TSGA13: variants seen among roughly 807,000 people sequenced by gnomAD.
TSGA13 encodes the protein testis specific 13.
A neutral mutation model predicts 35.1 loss-of-function variants in TSGA13; 37 were observed. The observed-to-expected ratio is 1.05, with a 90% CI of 0.81 to 1.39. TSGA13 has a LOEUF of 1.39. Among genes scored for constraint, TSGA13 ranks in the 40% most tolerant of loss-of-function variants. TSGA13 has a pLI of 0.00. For synonymous variants in TSGA13, 124 were observed against 121.2 expected, an observed-to-expected ratio of 1.02 and a Z score of -0.15; for missense variants, 338 against 328.5, an observed-to-expected ratio of 1.03 and a Z score of -0.22.
intron 4 of TSGA13, among the ~76,000 whole-genome samples, chr7:130,679,754 G>A (rs1361937445): frequency 6.6e-6 from 1 of 152,078 alleles, no homozygotes; most frequent in Non-Finnish European, 1.5e-5. Flanking sequence ...AAACTCCTGG[G>A]CTCAAGCGAT....
chr7:130,679,016 G>T, intron 5 of TSGA13, 139 bp downstream of exon 5: 2 of 699,706 alleles, frequency 2.9e-6, no homozygotes, highest in Admixed American at 2.7e-5. Flanking sequence ...AACAGAGTGA[G>T]ACCCTATCTC....
chr7:130,680,851 G>A (rs1796529002), intron 4 of TSGA13, 95 bp downstream of exon 4: 2 of 1,119,616 alleles, frequency 1.8e-6, no homozygotes, highest in Non-Finnish European at 2.7e-6. Context: ...AGAAGCTGGG[G>A]ACACTTGGAG....
rs1796531696 is a variant in TSGA13, at chr7:130,680,958, G to A, written c.162C>T (p.Val54=). The change falls in exon 4 of 8, where the codon GTC becomes GTT. Residue 54 remains valine (V), a synonymous_variant. Transcript: ENST00000356588. ...TTTCTCTACCTACCAAATTTGGATG[G>A]ACTGTGTAATGCCGAAGGTTCTCTA... is the stretch of plus-strand genomic sequence containing the variant. ...FVLENLRHYT[V]HPNLAQYYKP... is the part of the protein sequence containing the mutation. The A allele has an allele frequency of 6.2e-7, 1 of 1,614,122 alleles. No homozygotes were observed. Among genetic ancestry groups the A allele is most frequent in the Non-Finnish European group, 8.5e-7 (1 of 1,180,006 alleles).
chr7:130,669,075 C>T lies in TSGA13; in HGVS notation c.767G>A (p.Ser256Asn). 3 of 1,614,220 alleles carry T rather than the reference C, an allele frequency of 1.9e-6. No individual in the cohort carries two copies. The highest frequency in any genetic ancestry group is 2.5e-6 in the Non-Finnish European group (3 of 1,180,034). The change falls in exon 8 of 8, where the codon AGC (serine) becomes AAC (asparagine). Residue 256 changes from serine (S) to asparagine (N), a missense_variant. Transcript: ENST00000356588. Reference protein sequence around the residue: ...DMPTRTAPGESAFRNGRAPQW... With the variant: ...DMPTRTAPGENAFRNGRAPQW... ...CGGGGCCCTCCCGTTGCGGAAGGCGCTCTCCCCGGGCGCGGTTCTGGTGGG... is the reference window on the plus strand; with the variant it reads ...CGGGGCCCTCCCGTTGCGGAAGGCGTTCTCCCCGGGCGCGGTTCTGGTGGG...
rs549398265 is a variant in TSGA13, at chr7:130,681,342, G to C, written c.103-325C>G. Reference sequence around the variant, plus strand: ...TTCAGATTGCGACAAATCTTTCCAAGGAGTCACTTCTTTCTTATGCCTTTT... The same window carrying C: ...TTCAGATTGCGACAAATCTTTCCAACGAGTCACTTCTTTCTTATGCCTTTT... On this transcript the variant is annotated intron_variant, in intron 3 of 7. Coordinates refer to ENST00000356588, the MANE Select transcript of TSGA13 (RefSeq NM_052933.4). Among the ~76,000 whole-genome samples the C allele has an allele frequency of 3.9e-5, 6 of 152,258 alleles. No individual in the cohort carries two copies. The South Asian group carries it at 1.2e-3, about 32-fold the overall frequency.
chr7:130,674,837 T>G (rs1334084090), intron 5 of TSGA13, among the ~76,000 whole-genome samples: 2 of 152,204 alleles, frequency 1.3e-5, no homozygotes, highest in East Asian at 1.9e-4. Context: ...CTCTTTAAGC[T>G]CTTGTATTAG....
At chr7:130,670,850 C>T (rs1185439577) in intron 7 of TSGA13, among the ~76,000 whole-genome samples, 1 of 152,098 alleles carries the variant, frequency 6.6e-6, no homozygotes, top group African/African-American at 2.4e-5. Flanking sequence ...TAGTGTCAAG[C>T]CCCTGGCCTC....
intron 1 of TSGA13, 29 bp downstream of exon 1, chr7:130,686,233 G>A (rs1214024140): frequency 1.3e-5 from 2 of 152,158 alleles, no homozygotes; most frequent in African/African-American, 2.4e-5. Flanking sequence ...TAGGGAAATA[G>A]AGTAATAAGC....
Position 130,671,669 on chromosome 7 carries a change from C to T in TSGA13, c.650G>A (p.Arg217Lys). 1 of 1,577,872 alleles carries T rather than the reference C, an allele frequency of 6.3e-7. No individual in the cohort carries two copies. Among genetic ancestry groups the T allele is most frequent in the Non-Finnish European group, 8.6e-7 (1 of 1,157,810 alleles). Residue 217 changes from arginine (R) to lysine (K), a missense_variant, in exon 7 of 8, where the codon AGG (arginine) becomes AAG (lysine). Arg to Lys is a conservative substitution (Grantham distance 26, BLOSUM62 2). Coordinates refer to ENST00000356588, the MANE Select transcript of TSGA13 (RefSeq NM_052933.4). ...TFAPVHERDMRKDASKKSASE... is the reference protein window; with the variant it reads ...TFAPVHERDMKKDASKKSASE... ...GAAAGAGAGGAGCTTACCATCTTTC[C>T]TCATATCTCTCTCATGGACTGGAGC...
Position 130,668,687 on chromosome 7 carries a change from G to T in TSGA13, c.*327C>A. ...TAATCATCTTGGACGACTTCCCAGC[G>T]CCCAGACCCACCGCAACCGTCCCAG... On this transcript the variant is annotated 3_prime_UTR_variant, in exon 8 of 8. Transcript: ENST00000356588. 6.5e-7 allele frequency: 1 copy of T among 1,528,208 alleles called. No homozygotes were observed. The highest frequency in any genetic ancestry group is 8.8e-7 in the Non-Finnish European group (1 of 1,138,900). 94.7% of individuals were successfully genotyped at this position (1,528,208 alleles called of 1,614,324 possible). A position where few individuals can be genotyped will look rare whatever the true frequency, so the allele number is the denominator to read the frequency against.
At position 130,679,359 on chromosome 7, in the gene TSGA13, G is replaced by C. The variant is rs144191761; in HGVS notation, c.183C>G (p.Tyr61Ter). 816 of 1,610,802 alleles carry C rather than the reference G, an allele frequency of 5.1e-4. 2 individuals are homozygous for C. Among genetic ancestry groups the C allele is most frequent in the Middle Eastern group, 2.2e-3 (13 of 5,890 alleles). Residue 61 changes from tyrosine (Y) to a stop codon, truncating the protein, a stop_gained, in exon 5 of 8, where the codon TAC (tyrosine) becomes TAG (stop). Transcript: ENST00000356588. LOFTEE classifies it high-confidence loss of function. ...GGGCAGTGGCCTTCAAAGGCTTATA[G>C]TACTGGGCCTGAACAGACAGAAAGG... ...HYTVHPNLAQ[Y>*]YKPLKATALQ...
upstream of TSGA13, chr7:130,687,344 C>T (rs1796678733): frequency 6.6e-6 from 1 of 152,174 alleles, no homozygotes; most frequent in African/African-American, 2.4e-5. Flanking sequence ...GTCTTGTCTG[C>T]CTCTTAAGCT....
At chr7:130,679,651 A>G (rs1390083231) in intron 4 of TSGA13, among the ~76,000 whole-genome samples, 3 of 152,176 alleles carry the variant, frequency 2.0e-5, no homozygotes, top group Non-Finnish European at 2.9e-5. Flanking sequence ...CTGGGATTAC[A>G]GGCACATGCC....
At chr7:130,685,158 T>C (rs1554465565) in intron 2 of TSGA13, 30 bp downstream of exon 2, 1 of 1,610,372 alleles carries the variant, frequency 6.2e-7, no homozygotes, top group South Asian at 1.1e-5. Context: ...GTGGTGTTTA[T>C]AACTTAGTTG....
upstream of TSGA13, chr7:130,686,809 C>T (rs1247518409): frequency 6.6e-6 from 1 of 151,188 alleles, no homozygotes; most frequent in Non-Finnish European, 1.5e-5. Context: ...ATACAGTGAG[C>T]ATTTTTTCTT....
chr7:130,676,944 G>C (rs1370508795), intron 5 of TSGA13, among the ~76,000 whole-genome samples: 7 of 150,824 alleles, frequency 4.6e-5, no homozygotes, highest in African/African-American at 1.7e-4. Flanking sequence ...CCAGGCTGGA[G>C]TGCAGTGGTG....
rs1554465002 is a variant in TSGA13, at chr7:130,680,980, T to C, written c.140A>G (p.Glu47Gly). 3 of 1,614,216 alleles carry C rather than the reference T, an allele frequency of 1.9e-6. No individual in the cohort carries two copies. In the Admixed American group the frequency reaches 5.0e-5, roughly 27 times the overall value. The part of the protein sequence containing the change: ...DAVGQSKFVL[E>G]NLRHYTVHPN... ...ATGGACTGTGTAATGCCGAAGGTTCTCTAGAACAAATTTTGATTGCCCGAC... is the reference window on the plus strand; with the variant it reads ...ATGGACTGTGTAATGCCGAAGGTTCCCTAGAACAAATTTTGATTGCCCGAC... Residue 47 changes from glutamate (E) to glycine (G), a missense_variant, in exon 4 of 8, where the codon GAG becomes GGG. By Grantham distance (98) the Glu-to-Gly change is moderately conservative. Transcript: ENST00000356588.
chr7:130,680,877 G>A (rs1206148185), intron 4 of TSGA13, 69 bp downstream of exon 4: 25 of 1,409,760 alleles, frequency 1.8e-5, no homozygotes, highest in South Asian at 1.1e-4. Context: ...AGGGACACTC[G>A]CAGTGGGCAT....
chr7:130,669,426 T>C (rs961691585), intron 7 of TSGA13, among the ~76,000 whole-genome samples: 5 of 152,234 alleles, frequency 3.3e-5, no homozygotes, highest in Admixed American at 2.6e-4. Flanking sequence ...CCTATTTCTT[T>C]CAATGATTCC....
Sources: gnomAD v4.1 joint callset for allele counts (sites outside exome capture counted in the v4.1 genomes callset) on GRCh38, gnomAD v4.1.1 for gene constraint, MANE v1.5 for transcripts, NCBI Gene and HGNC (gene_info 2026-07-23, HGNC 2026-07-21) for gene names.